The following POU6F2 variants were observed in gnomAD, a reference collection of about 807,000 sequenced individuals.
POU6F2 encodes the protein POU class 6 homeobox 2.
Under a neutral mutation model 71.3 loss-of-function variants are expected in POU6F2, and 31 were observed. That is an observed-to-expected ratio of 0.43 (90% confidence interval 0.33 to 0.59). The LOEUF is 0.59. Ranked by LOEUF, POU6F2 falls within the 20% of genes least tolerant of loss-of-function variation. POU6F2 has a pLI of 0.04. For missense variants in POU6F2, 783 were observed against 856.8 expected (o/e 0.91, Z 1.07); for synonymous variants, 347 against 355.7 (o/e 0.98, Z 0.27).
In POU6F2 at chr7:39,343,103, T is replaced by C. The variant is rs572692614; in HGVS notation, c.972+3088T>C. Among the ~76,000 whole-genome samples the C allele has an allele frequency of 7.2e-5, 11 of 152,222 alleles. 1 individual carries two copies. In the East Asian group the frequency reaches 1.2e-3, roughly 16 times the overall value. On this transcript the variant is annotated intron_variant, in intron 5 of 9. Transcript: ENST00000518318. ...TGCCCAGGAGGCTTGAGGAGAGAAG[T>C]TCTAGACAGGAAATGCAAGGGCAGA...
At chr7:39,390,691 A>G (rs1787055552) in intron 5 of POU6F2, among the ~76,000 whole-genome samples, 6 of 152,330 alleles carry the variant, frequency 3.9e-5, no homozygotes, top group Admixed American at 3.3e-4. Context: ...GCGGATAACA[A>G]AGTAATACAT....
At chr7:39,067,409 T>C (rs1321353003) in intron 1 of POU6F2, among the ~76,000 whole-genome samples, 1 of 151,820 alleles carries the variant, frequency 6.6e-6, no homozygotes, top group African/African-American at 2.4e-5. Flanking sequence ...AAATAAAACA[T>C]AAAGGTTAAA....
intron 1 of POU6F2, among the ~76,000 whole-genome samples, chr7:39,025,403 A>C (rs867272093): frequency 2.6e-5 from 4 of 152,208 alleles, no homozygotes; most frequent in Admixed American, 2.0e-4. Flanking sequence ...AAACAGAGAT[A>C]TAGATCAATG....
chr7:39,049,406 A>G (rs1487247991), intron 1 of POU6F2, among the ~76,000 whole-genome samples: 1 of 151,838 alleles, frequency 6.6e-6, no homozygotes, highest in Admixed American at 6.6e-5. Context: ...ATATTTTGCA[A>G]TTTTCTCTCA....
chr7:39,084,989 C>T (rs1479222573), intron 1 of POU6F2: 1 of 152,128 alleles, frequency 6.6e-6, no homozygotes, highest in Non-Finnish European at 1.5e-5. Flanking sequence ...CTAAAATGCC[C>T]TCCTTAATGA....
At chr7:39,329,452 C>T (rs1461640340) in intron 4 of POU6F2, among the ~76,000 whole-genome samples, 3 of 151,970 alleles carry the variant, frequency 2.0e-5, no homozygotes, top group Admixed American at 2.0e-4. Context: ...ATAAACACCT[C>T]TGATAATAGT....
intron 5 of POU6F2, chr7:39,373,723 A>G (rs192029986): frequency 1.1e-3 from 355 of 332,262 alleles, no homozygotes; most frequent in Middle Eastern, 2.0e-3. Flanking sequence ...GTTGCTATCT[A>G]TGTTCATCAT....
At chr7:39,085,670 C>G (rs1436684666) in intron 1 of POU6F2, 190 bp from the exon 2 acceptor site, 1 of 555,278 alleles carries the variant, frequency 1.8e-6, no homozygotes, top group East Asian at 3.0e-5. Flanking sequence ...CTCATCGGAT[C>G]TGTAATAGCT....
rs968507409 is a variant in POU6F2, at chr7:39,468,413, G to T, written c.*3727G>T. On this transcript the variant is annotated 3_prime_UTR_variant, in exon 10 of 10. Coordinates refer to ENST00000518318, the MANE Select transcript of POU6F2 (RefSeq NM_001370959.1). ...CTGAATATTTAAAAGCTCCTTACTT[G>T]CTCTGACATTGAAACCAAAGCTGAT... 2.0e-5 allele frequency: 3 copies of T among 151,416 alleles called. No individual in the cohort carries two copies. Among genetic ancestry groups the T allele is most frequent in the African/African-American group, 7.3e-5 (3 of 41,164 alleles). 9.4% of individuals were successfully genotyped at this position (151,416 alleles called of 1,614,324 possible).
At chr7:39,389,539 A>G (rs999314920) in intron 5 of POU6F2, among the ~76,000 whole-genome samples, 2 of 152,216 alleles carry the variant, frequency 1.3e-5, no homozygotes, top group African/African-American at 4.8e-5. Flanking sequence ...GTGCAAATCA[A>G]TCTCTCCACC....
At chr7:39,395,129 G>T (rs1276808483) in intron 5 of POU6F2, among the ~76,000 whole-genome samples, 2 of 152,074 alleles carry the variant, frequency 1.3e-5, no homozygotes, top group Non-Finnish European at 2.9e-5. Context: ...TTATTCTAAA[G>T]TTCACATCTG....
intron 3 of POU6F2, among the ~76,000 whole-genome samples, chr7:39,205,139 G>A (rs766356463): frequency 4.0e-5 from 6 of 151,860 alleles, no homozygotes; most frequent in Non-Finnish European, 5.9e-5. Context: ...CTCAGATCCC[G>A]TAGTCCATCT....
intron 2 of POU6F2, among the ~76,000 whole-genome samples, chr7:39,177,344 G>T (rs1318640990): frequency 6.6e-6 from 1 of 152,138 alleles, no homozygotes; most frequent in Non-Finnish European, 1.5e-5. Context: ...GATCAAGTGG[G>T]GGCACCTGTG....
chr7:39,339,281 TA>T (rs1348367879), intron 4 of POU6F2, among the ~76,000 whole-genome samples: 2 of 152,178 alleles, frequency 1.3e-5, no homozygotes, highest in Non-Finnish European at 2.9e-5. Context: ...TTCAACAATC[TA>T]AATGAAATCT....
intron 1 of POU6F2, among the ~76,000 whole-genome samples, chr7:39,002,871 A>G (rs762381963): frequency 1.3e-5 from 2 of 152,192 alleles, no homozygotes; most frequent in African/African-American, 4.8e-5. Flanking sequence ...TGTCCTCTGC[A>G]TAGAAATATG....
intron 8 of POU6F2, among the ~76,000 whole-genome samples, chr7:39,459,082 T>C (rs1242627086): frequency 1.3e-5 from 2 of 152,180 alleles, no homozygotes; most frequent in African/African-American, 4.8e-5. Context: ...GTAAACTCCA[T>C]AGAGGCTGGA....
chr7:39,384,596 C>T (rs142265585), intron 5 of POU6F2, among the ~76,000 whole-genome samples: 2 of 152,290 alleles, frequency 1.3e-5, no homozygotes, highest in African/African-American at 4.8e-5. Flanking sequence ...GTTTCTGCCT[C>T]AGGGCCTTTG....
At chr7:39,346,941 G>A (rs1786044524) in intron 5 of POU6F2, among the ~76,000 whole-genome samples, 2 of 152,208 alleles carry the variant, frequency 1.3e-5, no homozygotes, top group African/African-American at 4.8e-5. Context: ...CCTGTGCTGT[G>A]CATTGTCCTG....
chr7:39,431,568 A>G (rs1403376496), intron 6 of POU6F2, among the ~76,000 whole-genome samples: 1 of 152,188 alleles, frequency 6.6e-6, no homozygotes, highest in Non-Finnish European at 1.5e-5. Flanking sequence ...CAAGACACAC[A>G]GTGTGTTTTC....
Sources: gnomAD v4.1 joint callset for allele counts (sites outside exome capture counted in the v4.1 genomes callset) on GRCh38, gnomAD v4.1.1 for gene constraint, MANE v1.5 for transcripts, NCBI Gene and HGNC (gene_info 2026-07-23, HGNC 2026-07-21) for gene names.